ZDHHC6: variants seen among roughly 807,000 people sequenced by gnomAD.
The protein encoded by ZDHHC6 is palmitoyltransferase ZDHHC6.
In ZDHHC6, 32 loss-of-function variants were observed where a neutral mutation model predicts 57.8. The observed-to-expected ratio is 0.55, with a 90% confidence interval of 0.42 to 0.74. The LOEUF is 0.74. ZDHHC6 is among the 30% of genes least tolerant of loss of function. The pLI is 0.00. For synonymous variants in ZDHHC6, 128 were observed against 158.0 expected (o/e 0.81, Z 1.42); for missense variants, 433 against 500.7 (o/e 0.86, Z 1.29).
intron 6 of ZDHHC6, 30 bp from the exon 7 acceptor site, chr10:112,434,494 G>A (rs937337395): frequency 9.4e-6 from 15 of 1,594,762 alleles, no homozygotes; most frequent in Admixed American, 3.5e-5. Flanking sequence ...AAGATGGCAG[G>A]TGCCTCTGTC....
intron 6 of ZDHHC6, among the ~76,000 whole-genome samples, chr10:112,435,009 A>G (rs1013033499): frequency 6.6e-6 from 1 of 152,174 alleles, no homozygotes; most frequent in Non-Finnish European, 1.5e-5. Context: ...TTTATGAAAA[A>G]CATTTTTTAA....
At position 112,446,784 on chromosome 10, in the gene ZDHHC6, C is replaced by T. The variant is rs1294034289; in HGVS notation, c.-294G>A. On this transcript the variant is annotated 5_prime_UTR_variant, in exon 1 of 11. Transcript: ENST00000369405. ...GGGCTCACCCGGAACAGATTTTTTC[C>T]TCCTTGGATGACTCCGTCATGGACA... 2 of 168,990 alleles carry T rather than the reference C, an allele frequency of 1.2e-5. No homozygotes were observed. Among genetic ancestry groups the T allele is most frequent in the South Asian group, 2.0e-4 (1 of 5,060 alleles). 10.5% of individuals were successfully genotyped at this position (168,990 alleles called of 1,614,324 possible).
At chr10:112,430,957 A>G (rs1844965771) in intron 10 of ZDHHC6, 50 bp from the exon 11 acceptor site, 1 of 1,481,290 alleles carries the variant, frequency 6.8e-7, no homozygotes, top group Non-Finnish European at 9.4e-7. Flanking sequence ...GATGACAGTG[A>G]CATTACTGAA....
intron 5 of ZDHHC6, among the ~76,000 whole-genome samples, chr10:112,439,458 C>T (rs2133868930): frequency 6.6e-6 from 1 of 151,424 alleles, no homozygotes; most frequent in Non-Finnish European, 1.5e-5. Flanking sequence ...TGGTGAAACC[C>T]CGTCTCCACT....
chr10:112,447,250 C>T, upstream of ZDHHC6: 1 of 1,027,432 alleles, frequency 9.7e-7, no homozygotes. Flanking sequence ...AGAGCTGTCC[C>T]CGGTTCTCCG....
chr10:112,432,328 TATTA>T, intron 9 of ZDHHC6, 42 bp from the exon 10 acceptor site: 7 of 1,609,056 alleles, frequency 4.4e-6, no homozygotes, highest in Non-Finnish European at 5.1e-6. Context: ...TTAGGCTAGA[TATTA>T]ATTTTGTCCT....
intron 6 of ZDHHC6, 58 bp from the exon 7 acceptor site, chr10:112,434,522 T>C: frequency 2.0e-6 from 3 of 1,494,542 alleles, no homozygotes; most frequent in South Asian, 1.3e-5. Flanking sequence ...CCTGCAGTAA[T>C]ATGTTATTGA....
rs1310706572 is a variant in ZDHHC6, at chr10:112,440,477, T to C, written c.681+57A>G. The C allele has an allele frequency of 5.2e-6, 8 of 1,531,900 alleles. No homozygotes were observed. The Middle Eastern group carries it at 5.2e-4, about 100-fold the overall frequency. 94.9% of individuals were successfully genotyped at this position (1,531,900 alleles called of 1,614,324 possible). A position where few individuals can be genotyped will look rare whatever the true frequency, so the allele number is the denominator to read the frequency against. On this transcript the variant is annotated intron_variant, in intron 5 of 10. Transcript: ENST00000369405. ...TTAAATACAGGCTTTGTCTCTTTCT[T>C]GTGCAATCAGTCCCAACAACTTGAC...
At position 112,442,279 on chromosome 10, in the gene ZDHHC6, G is replaced by T. The variant is rs1209781662; in HGVS notation, c.432C>A (p.Phe144Leu). The T allele has an allele frequency of 6.2e-7, 1 of 1,614,044 alleles. No homozygotes were observed. Among genetic ancestry groups the T allele is most frequent in the Non-Finnish European group, 8.5e-7 (1 of 1,179,948 alleles). The part of the protein sequence containing the change: ...NCCGYQNHAS[F>L]TLFLLLAPLG... Reference sequence around the variant, plus strand: ...GTGGTGCTAAAAGGAGAAACAGTGTGAACGAAGCATGATTTTGGTAACCAC... The same window carrying T: ...GTGGTGCTAAAAGGAGAAACAGTGTTAACGAAGCATGATTTTGGTAACCAC... The change falls in exon 4 of 11, where the codon TTC becomes TTA. Residue 144 changes from phenylalanine to leucine, a missense_variant. Coordinates refer to ENST00000369405, the MANE Select transcript of ZDHHC6 (RefSeq NM_022494.3).
At chr10:112,426,750 G>C (rs1419024994), downstream of ZDHHC6, 3 of 1,589,562 alleles carry the variant, frequency 1.9e-6, no homozygotes, top group East Asian at 6.7e-5. Flanking sequence ...CAGGCTTTTT[G>C]AAACAGCCAT....
intron 4 of ZDHHC6, 57 bp from the exon 5 acceptor site, chr10:112,440,752 C>T: frequency 1.3e-6 from 2 of 1,535,544 alleles, no homozygotes; most frequent in Non-Finnish European, 1.8e-6. Context: ...ACTGGTCAGA[C>T]TCTACTGTGA....
chr10:112,440,664 T>C lies in ZDHHC6; in HGVS notation c.551A>G (p.Asp184Gly), dbSNP rs758036667. 1.9e-6 allele frequency: 3 copies of C among 1,613,832 alleles called. No individual in the cohort carries two copies. The highest frequency in any genetic ancestry group is 2.5e-6 in the Non-Finnish European group (3 of 1,179,838). Residue 184 changes from aspartate to glycine, a missense_variant, in exon 5 of 11, where the codon GAC (aspartate) becomes GGC (glycine). By Grantham distance (94) the Asp-to-Gly change is moderately conservative. Transcript: ENST00000369405. ...LSFGWNTVKI[D>G]MSAARRDPLP... ...AGGATCTCTCCGGGCTGCACTCATG[T>C]CGATCTTCACTGTGTTCCACCCAAA...
intron 7 of ZDHHC6, among the ~76,000 whole-genome samples, chr10:112,433,771 C>G (rs1397581917): frequency 1.3e-5 from 2 of 152,166 alleles, no homozygotes; most frequent in Non-Finnish European, 2.9e-5. Flanking sequence ...AACTCATGAT[C>G]TCTGTCCTAG....
At chr10:112,426,235 C>A (rs1844699819), downstream of ZDHHC6, 1 of 1,593,888 alleles carries the variant, frequency 6.3e-7, no homozygotes, top group South Asian at 1.1e-5. Context: ...CATGCCCTTG[C>A]ACCTTTTATT....
chr10:112,438,493 A>G lies in ZDHHC6; in HGVS notation c.682-104T>C. The G allele has an allele frequency of 6.6e-6, 6 of 914,174 alleles. 1 individual carries two copies. The South Asian group carries it at 1.0e-4, about 15-fold the overall frequency. The allele number at this position is 914,174 out of a possible 1,614,324, so 56.6% of individuals were successfully genotyped here. A position where few individuals can be genotyped will look rare whatever the true frequency, so the allele number is the denominator to read the frequency against. On this transcript the variant is annotated intron_variant, in intron 5 of 10. Coordinates refer to ENST00000369405, the MANE Select transcript of ZDHHC6 (RefSeq NM_022494.3). ...TAGCTTTTATTACTCCATTCCATAG[A>G]CAAAGATACCAAGGATAACAGAGGT...
At chr10:112,428,528 T>G (rs1240588680), downstream of ZDHHC6, 2 of 396,026 alleles carry the variant, frequency 5.1e-6, no homozygotes, top group African/African-American at 4.1e-5. Flanking sequence ...GCCCAGCACT[T>G]TGGGAGGCCG....
At chr10:112,425,342 G>A, downstream of ZDHHC6, 1 of 1,611,348 alleles carries the variant, frequency 6.2e-7, no homozygotes, top group South Asian at 1.1e-5. Flanking sequence ...ATGTAGAATG[G>A]AACTCTGAAG....
chr10:112,435,190 T>G (rs532414750), intron 6 of ZDHHC6, among the ~76,000 whole-genome samples: 6 of 152,322 alleles, frequency 3.9e-5, no homozygotes, highest in Admixed American at 2.0e-4. Flanking sequence ...GGAAATAAAT[T>G]GGCTTTGGAT....
intron 5 of ZDHHC6, among the ~76,000 whole-genome samples, chr10:112,438,973 T>A (rs1228276564): frequency 1.3e-5 from 2 of 152,332 alleles, no homozygotes; most frequent in Middle Eastern, 3.4e-3. Flanking sequence ...TTAGAGGCAT[T>A]GGGGAAAATT....
Sources: allele counts gnomAD v4.1 joint callset (sites outside exome capture counted in the v4.1 genomes callset), GRCh38; gene constraint gnomAD v4.1.1; transcripts MANE v1.5; gene names NCBI Gene and HGNC (gene_info 2026-07-23, HGNC 2026-07-21).